The following TMEM11 variants were observed in gnomAD, a reference collection of about 807,000 sequenced individuals.
The protein encoded by TMEM11 is transmembrane protein 11, mitochondrial.
Under a neutral mutation model 17.0 loss-of-function variants are expected in TMEM11, and 1 was observed. The observed-to-expected ratio is 0.06, with a 90% CI of 0.02 to 0.28. The LOEUF (loss-of-function observed/expected upper bound fraction) is 0.28. Ranked by LOEUF, TMEM11 falls within the 10% of genes least tolerant of loss-of-function variation. The pLI, the probability that TMEM11 is intolerant of heterozygous loss-of-function variation, is 1.00. For synonymous variants in TMEM11, 122 were observed against 118.1 expected, an observed-to-expected ratio of 1.03 and a Z score of -0.21; for missense variants, 172 against 252.9, an observed-to-expected ratio of 0.68 and a Z score of 2.17.
In TMEM11 at chr17:21,214,140, C is replaced by T; in HGVS notation, c.13G>A (p.Gly5Arg). The stretch of plus-strand genomic sequence containing the variant: ...CTGCCCGGGCCAAGACGCCTCCTTC[C>T]CCAAGCGGCCATCTTGGAGACACTC... MAAW[G>R]RRRLGPGSSG... The change falls in exon 1 of 2, where the codon GGA (glycine) becomes AGA (arginine). Residue 5 changes from glycine to arginine, a missense_variant. Gly to Arg is a moderately radical substitution (Grantham distance 125). Transcript: ENST00000317635. The T allele has an allele frequency of 6.2e-7, 1 of 1,612,488 alleles. No individual in the cohort carries two copies. Among genetic ancestry groups the T allele is most frequent in the Non-Finnish European group, 8.5e-7 (1 of 1,179,648 alleles).
At chr17:21,203,569 C>T (rs191455004) in intron 1 of TMEM11, among the ~76,000 whole-genome samples, 7 of 152,072 alleles carry the variant, frequency 4.6e-5, no homozygotes, top group Admixed American at 1.3e-4. Context: ...TAGCCAGGCG[C>T]GGTGCTGCAC....
intron 1 of TMEM11, chr17:21,208,490 GC>G (rs1184126590): frequency 6.6e-6 from 1 of 152,058 alleles, no homozygotes; most frequent in East Asian, 1.9e-4. Flanking sequence ...AAGTCTGGAC[GC>G]GGGCAGCTTC....
At chr17:21,209,899 G>T (rs988847757) in intron 1 of TMEM11, among the ~76,000 whole-genome samples, 2 of 152,218 alleles carry the variant, frequency 1.3e-5, no homozygotes, top group Non-Finnish European at 2.9e-5. Context: ...CTGCTCTGAA[G>T]AACTGTTATG....
intron 1 of TMEM11, chr17:21,210,857 T>C: frequency 8.3e-7 from 1 of 1,203,514 alleles, no homozygotes; most frequent in Non-Finnish European, 1.1e-6. Flanking sequence ...GGTTGCCTCA[T>C]ATCATGCTCA....
In TMEM11 at chr17:21,198,865, GGA is replaced by G. The variant is rs140532270; in HGVS notation, c.63-27_63-26del. The G allele has an allele frequency of 3.8e-3, 5,470 of 1,430,966 alleles. No homozygotes were observed. Among genetic ancestry groups the G allele is most frequent in the Admixed American group, 7.8e-3 (411 of 52,634 alleles). The allele number at this position is 1,430,966 out of a possible 1,614,324, so 88.6% of individuals were successfully genotyped here. A position where few individuals can be genotyped will look rare whatever the true frequency, so the allele number is the denominator to read the frequency against. On this transcript the variant is annotated intron_variant, in intron 1 of 1. Transcript: ENST00000317635. The surrounding 1 kb of genome is among the most constrained non-coding windows in gnomAD (Gnocchi z 6.5). ...CCTTTTGATGGAGGGGGCAGGAAAG[GGA>G]GAGAGAGAGAGAGACAGGATGATTA...
chr17:21,213,736 G>A, intron 1 of TMEM11: 1 of 273,428 alleles, frequency 3.7e-6, no homozygotes, highest in East Asian at 8.8e-5. Context: ...GTGCCCAGGC[G>A]GGAAGGGTGC....
chr17:21,198,651 C>T lies in TMEM11; in HGVS notation c.252G>A (p.Thr84=), dbSNP rs767169112. 4.3e-5 allele frequency: 70 copies of T among 1,613,958 alleles called. No individual in the cohort carries two copies. The highest frequency in any genetic ancestry group is 8.3e-5 in the Admixed American group (5 of 60,012). The change falls in exon 2 of 2, where the codon ACG becomes ACA. Residue 84 remains threonine (T), a synonymous_variant. Coordinates refer to ENST00000317635, the MANE Select transcript of TMEM11 (RefSeq NM_003876.3). This position sits in a 1 kb window ranked among gnomAD's most constrained non-coding sequence, Gnocchi z 6.5. ...GGCAGGCGGTGCCCGCCAGCACGGC[C>T]GTCTTGTGCAGGCAGTTGCCCACGG... is the stretch of plus-strand genomic sequence containing the variant. ...WITVGNCLHK[T]AVLAGTACLF...
At position 21,198,869 on chromosome 17, in the gene TMEM11, A is replaced by C; in HGVS notation, c.63-29T>G. On this transcript the variant is annotated intron_variant, in intron 1 of 1. Transcript: ENST00000317635. The surrounding 1 kb of genome is among the most constrained non-coding windows in gnomAD (Gnocchi z 6.5). ...TTGATGGAGGGGGCAGGAAAGGGAG[A>C]GAGAGAGAGAGACAGGATGATTAGG... 6.4e-7 allele frequency: 1 copy of C among 1,570,938 alleles called. No homozygotes were observed. The highest frequency in any genetic ancestry group is 8.7e-7 in the Non-Finnish European group (1 of 1,155,290).
chr17:21,208,969 G>C (rs975066643), intron 1 of TMEM11, among the ~76,000 whole-genome samples: 1 of 152,216 alleles, frequency 6.6e-6, no homozygotes, highest in African/African-American at 2.4e-5. Flanking sequence ...TACAGGAGGT[G>C]CTGGGCTGGA....
At chr17:21,209,276 T>C (rs1974977163) in intron 1 of TMEM11, among the ~76,000 whole-genome samples, 1 of 152,206 alleles carries the variant, frequency 6.6e-6, no homozygotes. Context: ...CCCTCTCGGC[T>C]GCCTACTGGC....
In TMEM11 at chr17:21,198,485, C is replaced by G. The variant is rs200292766; in HGVS notation, c.418G>C (p.Ala140Pro). ...PCCKYQVEYD[A>P]YKLSRLPLHT... ...AGAGGCAGGCGCGACAGTTTATAGGCGTCGTACTCCACTTGGTACTTGCAG... is the reference window on the plus strand; with the variant it reads ...AGAGGCAGGCGCGACAGTTTATAGGGGTCGTACTCCACTTGGTACTTGCAG... Residue 140 changes from alanine to proline, a missense_variant, in exon 2 of 2, where the codon GCC becomes CCC. Around this residue, in one of 2 missense-constraint regions of TMEM11, gnomAD observed 123 missense variants for 213.6 expected, o/e 0.58. Transcript: ENST00000317635. The surrounding 1 kb of genome is among the most constrained non-coding windows in gnomAD (Gnocchi z 6.5). 1 of 1,614,196 alleles carries G rather than the reference C, an allele frequency of 6.2e-7. No individual in the cohort carries two copies. The highest frequency in any genetic ancestry group is 1.1e-5 in the South Asian group (1 of 91,082).
intron 1 of TMEM11, chr17:21,211,050 T>A: frequency 7.8e-7 from 1 of 1,289,792 alleles, no homozygotes; most frequent in Non-Finnish European, 1.0e-6. Context: ...TGGCACACGG[T>A]GGCAGAACAC....
intron 1 of TMEM11, among the ~76,000 whole-genome samples, chr17:21,204,951 T>C (rs1162566641): frequency 6.6e-6 from 1 of 152,126 alleles, no homozygotes; most frequent in African/African-American, 2.4e-5. Flanking sequence ...CGCCTCAGGA[T>C]AGCTTGCAGG....
At chr17:21,210,423 C>T (rs1974989532) in intron 1 of TMEM11, among the ~76,000 whole-genome samples, 1 of 152,124 alleles carries the variant, frequency 6.6e-6, no homozygotes, top group Non-Finnish European at 1.5e-5. Context: ...ATCTGCTCAT[C>T]TCATCCCAGC....
At position 21,214,124 on chromosome 17, in the gene TMEM11, C is replaced by A. The variant is rs1048404385; in HGVS notation, c.29G>T (p.Gly10Val). 1.2e-6 allele frequency: 2 copies of A among 1,612,292 alleles called. No individual in the cohort carries two copies. Among genetic ancestry groups the A allele is most frequent in the Non-Finnish European group, 1.7e-6 (2 of 1,179,668 alleles). Residue 10 changes from glycine to valine, a missense_variant, in exon 1 of 2, where the codon GGC (glycine) becomes GTC (valine). By Grantham distance (109) the Gly-to-Val change is moderately radical. Around this residue, in one of 2 missense-constraint regions of TMEM11, gnomAD observed 49 missense variants for 39.3 expected, o/e 1.25. Transcript: ENST00000317635. Reference sequence around the variant, plus strand: ...GGCGCTGCCGCCACTGCTGCCCGGGCCAAGACGCCTCCTTCCCCAAGCGGC... The same window carrying A: ...GGCGCTGCCGCCACTGCTGCCCGGGACAAGACGCCTCCTTCCCCAAGCGGC... MAAWGRRRL[G>V]PGSSGGSARE...
intron 1 of TMEM11, among the ~76,000 whole-genome samples, chr17:21,205,279 C>T (rs1311778329): frequency 6.6e-6 from 1 of 152,100 alleles, no homozygotes; most frequent in African/African-American, 2.4e-5. Flanking sequence ...ATGACAGGAG[C>T]GGGGAGAGCA....
At chr17:21,199,756 G>A (rs1456700199) in intron 1 of TMEM11, among the ~76,000 whole-genome samples, 1 of 152,208 alleles carries the variant, frequency 6.6e-6, no homozygotes, top group Non-Finnish European at 1.5e-5. Context: ...TCCTGGGCCG[G>A]CAGCAGCCCC....
intron 1 of TMEM11, among the ~76,000 whole-genome samples, chr17:21,206,453 G>C (rs543448033): frequency 6.6e-6 from 1 of 151,988 alleles, no homozygotes; most frequent in South Asian, 2.1e-4. Flanking sequence ...GAACTCCTAA[G>C]TGATCTGCCA....
chr17:21,211,423 G>T (rs935772083), intron 1 of TMEM11, among the ~76,000 whole-genome samples: 1 of 152,234 alleles, frequency 6.6e-6, no homozygotes, highest in African/African-American at 2.4e-5. Context: ...AATGTGGCTA[G>T]TGAGACTGAG....
Sources: gnomAD v4.1 joint callset for allele counts (sites outside exome capture counted in the v4.1 genomes callset) on GRCh38, gnomAD v4.1.1 for gene constraint, gnomAD v4.1.1 regional missense constraint, Gnocchi (gnomAD v3.1) non-coding constraint, MANE v1.5 for transcripts, NCBI Gene and HGNC (gene_info 2026-07-23, HGNC 2026-07-21) for gene names.